The following LRRC28 variants were observed in gnomAD, a reference collection of about 807,000 sequenced individuals.
The protein encoded by LRRC28 is leucine rich repeat containing 28.
A neutral mutation model predicts 45.7 loss-of-function variants in LRRC28; 39 were observed. That is an observed-to-expected ratio of 0.85 (90% CI 0.66 to 1.12). The LOEUF is 1.12. Ranked by LOEUF, LRRC28 falls within the 50% of genes most tolerant of loss-of-function variation. The pLI, the probability that LRRC28 is intolerant of heterozygous loss-of-function variation, is 0.00. For missense variants in LRRC28, 435 were observed against 438.5 expected (o/e 0.99, Z 0.07); for synonymous variants, 206 against 178.8 (o/e 1.15, Z -1.22).
chr15:99,359,187 G>T (rs1443958102), intron 7 of LRRC28, among the ~76,000 whole-genome samples: 2 of 152,164 alleles, frequency 1.3e-5, no homozygotes, highest in Middle Eastern at 3.2e-3. Flanking sequence ...TCAGAAAAAT[G>T]TAGATACCAT....
intron 2 of LRRC28, among the ~76,000 whole-genome samples, chr15:99,262,110 A>C (rs577641711): frequency 6.6e-6 from 1 of 152,134 alleles, no homozygotes; most frequent in South Asian, 2.1e-4. Flanking sequence ...CCTTTTTAAT[A>C]ACAAAAAATC....
intron 8 of LRRC28, among the ~76,000 whole-genome samples, chr15:99,362,125 G>C (rs760813714): frequency 6.6e-6 from 1 of 152,140 alleles, no homozygotes; most frequent in Non-Finnish European, 1.5e-5. Flanking sequence ...TTAAGACAGC[G>C]CTAGGCAATA....
intron 5 of LRRC28, among the ~76,000 whole-genome samples, chr15:99,316,281 G>C (rs1955589578): frequency 6.6e-6 from 1 of 152,058 alleles, no homozygotes; most frequent in South Asian, 2.1e-4. Flanking sequence ...GAATACAAAG[G>C]AAATAATTAT....
intron 2 of LRRC28, among the ~76,000 whole-genome samples, chr15:99,265,921 G>A (rs1362039389): frequency 6.6e-6 from 1 of 152,132 alleles, no homozygotes; most frequent in Non-Finnish European, 1.5e-5. Context: ...GCCTTCCTGA[G>A]GAAATGAAAG....
rs780862089 is a variant in LRRC28, at chr15:99,386,057, C to G, written c.1059C>G (p.Tyr353Ter). 6.2e-7 allele frequency: 1 copy of G among 1,614,166 alleles called. No individual in the cohort carries two copies. Among genetic ancestry groups the G allele is most frequent in the South Asian group, 1.1e-5 (1 of 91,076 alleles). The change falls in exon 10 of 10, where the codon TAC becomes TAG. Residue 353 changes from tyrosine (Y) to a stop codon, truncating the protein, a stop_gained. Transcript: ENST00000301981. LOFTEE classifies it high-confidence loss of function. ...QWKTTVSFVAYCCSTQCLQTF... is the reference protein window; with the variant it reads ...QWKTTVSFVA ...AGACAACTGTTAGTTTTGTGGCTTA[C>G]TGCTGCTCCACCCAGTGTCTGCAGA...
At chr15:99,365,912 G>A (rs1305255200) in intron 9 of LRRC28, among the ~76,000 whole-genome samples, 2 of 152,136 alleles carry the variant, frequency 1.3e-5, no homozygotes, top group African/African-American at 4.8e-5. Flanking sequence ...GATCCTGTAG[G>A]CATAGCAAAT....
At chr15:99,259,571 G>A (rs1374728873) in intron 2 of LRRC28, 6 of 1,451,112 alleles carry the variant, frequency 4.1e-6, no homozygotes, top group Admixed American at 1.7e-5. Flanking sequence ...CAGCCAGTAC[G>A]GGTGGTCTGG....
chr15:99,367,740 T>C (rs1158732644), intron 9 of LRRC28, among the ~76,000 whole-genome samples: 1 of 152,184 alleles, frequency 6.6e-6, no homozygotes, highest in Non-Finnish European at 1.5e-5. Flanking sequence ...TCATGCCTTC[T>C]CTGGGCATGC....
chr15:99,367,493 A>G (rs764962132), intron 9 of LRRC28, among the ~76,000 whole-genome samples: 6 of 152,094 alleles, frequency 3.9e-5, no homozygotes, highest in Non-Finnish European at 8.8e-5. Flanking sequence ...TCCCACGATA[A>G]CTAACCCACT....
chr15:99,304,970 A>T lies in LRRC28; in HGVS notation c.385+17019A>T, dbSNP rs138549308. Among the ~76,000 whole-genome samples the T allele has an allele frequency of 3.9e-5, 6 of 152,174 alleles. No individual in the cohort carries two copies. The South Asian group carries it at 1.0e-3, about 26-fold the overall frequency. On this transcript the variant is annotated intron_variant, in intron 5 of 9. Coordinates refer to ENST00000301981, the MANE Select transcript of LRRC28 (RefSeq NM_144598.5). ...CACAACAATGTGCCTCTTTTCAACA[A>T]TATAGGGAGATACTTGAGACTGTGT...
chr15:99,257,568 G>GTCT (rs1322121432), intron 2 of LRRC28: 1 of 547,242 alleles, frequency 1.8e-6, no homozygotes, highest in Admixed American at 2.9e-5. Context: ...CCAACCCGGG[G>GTCT]GTGAGAGGGT....
chr15:99,329,504 G>T (rs1321891744), intron 5 of LRRC28, among the ~76,000 whole-genome samples: 1 of 152,172 alleles, frequency 6.6e-6, no homozygotes, highest in Non-Finnish European at 1.5e-5. Context: ...GGTATAAATT[G>T]TGTAAAAATT....
intron 3 of LRRC28, chr15:99,284,696 A>G: frequency 1.9e-6 from 1 of 515,822 alleles, no homozygotes; most frequent in South Asian, 1.4e-5. Context: ...TGGTTTGGCC[A>G]AGTATTGGAC....
chr15:99,347,902 A>G (rs564912220), intron 6 of LRRC28, among the ~76,000 whole-genome samples: 5 of 152,268 alleles, frequency 3.3e-5, no homozygotes, highest in African/African-American at 9.6e-5. Flanking sequence ...ACCAACACAT[A>G]CTAGGGTTCC....
chr15:99,370,094 A>T (rs1487292473), intron 9 of LRRC28, among the ~76,000 whole-genome samples: 1 of 152,184 alleles, frequency 6.6e-6, no homozygotes, highest in African/African-American at 2.4e-5. Flanking sequence ...TATCCCTTTT[A>T]CAGGGCAAAC....
chr15:99,264,464 G>A (rs955579224), intron 2 of LRRC28, among the ~76,000 whole-genome samples: 1 of 152,188 alleles, frequency 6.6e-6, no homozygotes, highest in Non-Finnish European at 1.5e-5. Flanking sequence ...GAACCTAGCT[G>A]TATCTAACAG....
At chr15:99,301,465 CTATT>C (rs1183349946) in intron 5 of LRRC28, among the ~76,000 whole-genome samples, 1 of 152,102 alleles carries the variant, frequency 6.6e-6, no homozygotes, top group Non-Finnish European at 1.5e-5. Context: ...ATAGATAAAA[CTATT>C]TAAGTCTCCC....
intron 5 of LRRC28, among the ~76,000 whole-genome samples, chr15:99,296,841 AAAG>A (rs1233620187): frequency 1.3e-5 from 2 of 152,218 alleles, no homozygotes; most frequent in African/African-American, 2.4e-5. Context: ...TAGTACTTGC[AAAG>A]AAGGGATTAG....
intron 2 of LRRC28, chr15:99,259,401 T>A: frequency 6.5e-7 from 1 of 1,537,844 alleles, no homozygotes; most frequent in Non-Finnish European, 9.0e-7. Flanking sequence ...AAGGAAGGAG[T>A]GAAGTTTGAT....
Sources: gnomAD v4.1 joint callset for allele counts (sites outside exome capture counted in the v4.1 genomes callset) on GRCh38, gnomAD v4.1.1 for gene constraint, MANE v1.5 for transcripts, NCBI Gene and HGNC (gene_info 2026-07-23, HGNC 2026-07-21) for gene names.